HRH1: variants seen among roughly 807,000 people sequenced by gnomAD.
HRH1 encodes histamine receptor H1, also known as histamine H1 receptor.
Under a neutral mutation model 10.3 loss-of-function variants are expected in HRH1, and 6 were observed. The observed-to-expected ratio is 0.58, with a 90% CI of 0.32 to 1.15. The LOEUF (loss-of-function observed/expected upper bound fraction) is 1.15. HRH1 is among the 50% of genes most tolerant of loss of function. The pLI, the probability that HRH1 is intolerant of heterozygous loss-of-function variation, is 0.05. For synonymous variants in HRH1, 242 were observed against 236.7 expected (o/e 1.02, Z -0.21); for missense variants, 514 against 615.3 (o/e 0.84, Z 1.74).
rs1349918121 is a variant in HRH1 at position 11,237,234 on chromosome 3, GA to G, written c.-35-21764del. 2.0e-5 allele frequency among the ~76,000 whole-genome samples: 3 copies of G among 152,152 alleles called. No individual in the cohort carries two copies. In the East Asian group the frequency reaches 5.8e-4, roughly 29 times the overall value. On this transcript the variant is annotated intron_variant, in intron 1 of 1. Transcript: ENST00000431010. ...TTGTTTATTTTCCTCTTTTCACAGT[GA>G]AAAAGAGGATGATGTATTCACTGTA...
At chr3:11,255,549 G>A (rs765408442) in intron 1 of HRH1, among the ~76,000 whole-genome samples, 1 of 152,198 alleles carries the variant, frequency 6.6e-6, no homozygotes, top group Non-Finnish European at 1.5e-5. Context: ...GGTTGAGGAC[G>A]CACACCCATG....
At chr3:11,235,446 G>A (rs561896752) in intron 1 of HRH1, among the ~76,000 whole-genome samples, 3 of 151,936 alleles carry the variant, frequency 2.0e-5, no homozygotes, top group East Asian at 3.9e-4. Flanking sequence ...TCCCCACTTC[G>A]CTTCTCTTGA....
chr3:11,199,513 C>T (rs1199615523), intron 1 of HRH1, among the ~76,000 whole-genome samples: 1 of 152,176 alleles, frequency 6.6e-6, no homozygotes, highest in African/African-American at 2.4e-5. Flanking sequence ...CACATCCTTC[C>T]TGTCCTGGGC....
At chr3:11,151,336 G>A (rs1435991531), upstream of HRH1, among the ~76,000 whole-genome samples, 1 of 152,238 alleles carries the variant, frequency 6.6e-6, no homozygotes, top group Admixed American at 6.5e-5. Context: ...AGTCAAGACA[G>A]AGGGAGACAG....
chr3:11,222,810 A>G (rs1265827287), intron 1 of HRH1, among the ~76,000 whole-genome samples: 1 of 152,184 alleles, frequency 6.6e-6, no homozygotes, highest in African/African-American at 2.4e-5. Flanking sequence ...AGGCCCTTAC[A>G]TTCCACCATT....
intron 1 of HRH1, among the ~76,000 whole-genome samples, chr3:11,171,302 G>C (rs1937146568): frequency 1.3e-5 from 2 of 151,896 alleles, no homozygotes; most frequent in Admixed American, 1.3e-4. Context: ...TTTTAGTAGA[G>C]ACAAGGTTTC....
At chr3:11,137,867 A>G (rs904130840) in intron 1 of HRH1, among the ~76,000 whole-genome samples, 1 of 152,036 alleles carries the variant, frequency 6.6e-6, no homozygotes, top group African/African-American at 2.4e-5. Flanking sequence ...GCGGGAGAGT[A>G]TCTGGTGCTC....
At chr3:11,184,225 C>T (rs572922584) in intron 1 of HRH1, among the ~76,000 whole-genome samples, 7 of 152,150 alleles carry the variant, frequency 4.6e-5, no homozygotes, top group African/African-American at 7.2e-5. Flanking sequence ...CTGACAGGCA[C>T]GATTCTAAGT....
intron 1 of HRH1, among the ~76,000 whole-genome samples, chr3:11,161,891 T>C (rs1240521303): frequency 6.6e-6 from 1 of 152,098 alleles, no homozygotes; most frequent in Non-Finnish European, 1.5e-5. Context: ...GAAGGGCCGA[T>C]AAATAGCACT....
At chr3:11,234,134 T>G in intron 1 of HRH1, 1 of 636,270 alleles carries the variant, frequency 1.6e-6, no homozygotes, top group Non-Finnish European at 2.7e-6. Flanking sequence ...ATAAGTTATT[T>G]TGTATATTAC....
intron 1 of HRH1, among the ~76,000 whole-genome samples, chr3:11,219,473 G>C (rs1038880111): frequency 6.6e-6 from 1 of 151,994 alleles, no homozygotes; most frequent in African/African-American, 2.4e-5. Context: ...CAGCACTTTG[G>C]GAGGCCGAGG....
chr3:11,156,445 ACT>A (rs777477154), intron 1 of HRH1, among the ~76,000 whole-genome samples: 3 of 151,928 alleles, frequency 2.0e-5, no homozygotes, highest in South Asian at 2.1e-4. Context: ...CTCCTCTTCG[ACT>A]CTCTCAGAAT....
intron 1 of HRH1, among the ~76,000 whole-genome samples, chr3:11,147,203 G>A (rs1017350935): frequency 6.6e-6 from 1 of 152,182 alleles, no homozygotes; most frequent in Non-Finnish European, 1.5e-5. Flanking sequence ...CAAGGGCAGG[G>A]ATAAGGTCTG....
chr3:11,174,968 A>G (rs552034751), intron 1 of HRH1, among the ~76,000 whole-genome samples: 5 of 152,302 alleles, frequency 3.3e-5, no homozygotes, highest in Admixed American at 2.6e-4. Context: ...TGGATCCAAC[A>G]GGGTCCCACT....
upstream of HRH1, among the ~76,000 whole-genome samples, chr3:11,151,529 T>C (rs1936624817): frequency 6.6e-6 from 1 of 152,062 alleles, no homozygotes; most frequent in South Asian, 2.1e-4. Flanking sequence ...TACAGGGTCT[T>C]GGTCTGTGGT....
At chr3:11,190,363 A>ATT (rs1156702734) in intron 1 of HRH1, among the ~76,000 whole-genome samples, 1 of 142,148 alleles carries the variant, frequency 7.0e-6, no homozygotes, top group Admixed American at 6.7e-5. Context: ...ATATATATAT[A>ATT]TATTTTTTAA....
At chr3:11,146,330 G>A (rs56964257) in intron 1 of HRH1, among the ~76,000 whole-genome samples, 21,614 of 152,092 alleles carry the variant, frequency 0.14, 1,762 homozygotes, top group East Asian at 0.3. Context: ...ACCTCCCCCT[G>A]TTTTAGGCTA....
chr3:11,150,446 G>A (rs950174897), upstream of HRH1, among the ~76,000 whole-genome samples: 1 of 152,238 alleles, frequency 6.6e-6, no homozygotes, highest in Non-Finnish European at 1.5e-5. Context: ...CAGAGGAGAC[G>A]GCTGACTCCA....
chr3:11,183,763 G>A (rs1937401323), intron 1 of HRH1, among the ~76,000 whole-genome samples: 1 of 151,482 alleles, frequency 6.6e-6, no homozygotes, highest in Admixed American at 6.6e-5. Flanking sequence ...TGTCGCCCAG[G>A]CTGGAGTGCA....
Sources: gnomAD v4.1 joint callset for allele counts (sites outside exome capture counted in the v4.1 genomes callset) on GRCh38, gnomAD v4.1.1 for gene constraint, MANE v1.5 for transcripts, NCBI Gene and HGNC (gene_info 2026-07-23, HGNC 2026-07-21) for gene names.